GHR: variants seen among roughly 807,000 people sequenced by gnomAD.
GHR encodes growth hormone receptor.
GHR carries 35 observed loss-of-function variants against 67.1 expected under a neutral mutation model. The ratio of observed to expected loss-of-function variants is 0.52; its 90% CI spans 0.40 to 0.69. GHR has a LOEUF of 0.69. Among genes scored for constraint, GHR ranks in the 30% least tolerant of loss-of-function variants. The pLI is 0.00. For missense variants in GHR, 792 were observed against 764.6 expected (o/e 1.04, Z -0.42); for synonymous variants, 272 against 269.1 (o/e 1.01, Z -0.10).
At chr5:42,544,339 C>T (rs937745450) in intron 1 of GHR, among the ~76,000 whole-genome samples, 7 of 152,102 alleles carry the variant, frequency 4.6e-5, no homozygotes, top group Non-Finnish European at 1.0e-4. Flanking sequence ...TCATTTTTAT[C>T]CATTAAATTA....
At chr5:42,478,937 G>A (rs1212797648) in intron 1 of GHR, among the ~76,000 whole-genome samples, 1 of 152,170 alleles carries the variant, frequency 6.6e-6, no homozygotes, top group Non-Finnish European at 1.5e-5. Flanking sequence ...TAGGAGTGGT[G>A]AGAAAGGGCA....
chr5:42,503,868 G>A (rs1209111955), intron 1 of GHR, among the ~76,000 whole-genome samples: 1 of 152,082 alleles, frequency 6.6e-6, no homozygotes, highest in African/African-American at 2.4e-5. Flanking sequence ...GTCAGAGGCT[G>A]TTATAAAAGT....
intron 1 of GHR, among the ~76,000 whole-genome samples, chr5:42,520,398 T>C (rs1313487749): frequency 6.6e-6 from 1 of 152,180 alleles, no homozygotes; most frequent in Admixed American, 6.5e-5. Context: ...AGCTTTATGG[T>C]CAGAGATCTC....
At position 42,440,404 on chromosome 5, in the gene GHR, G is replaced by C. The variant is rs560090612; in HGVS notation, c.-12+16449G>C. Among the ~76,000 whole-genome samples the C allele has an allele frequency of 1.9e-4, 29 of 152,188 alleles. No individual in the cohort carries two copies. In the South Asian group the frequency reaches 4.8e-3, roughly 25 times the overall value. On this transcript the variant is annotated intron_variant, in intron 1 of 9. Transcript: ENST00000230882. The stretch of plus-strand genomic sequence containing the variant: ...GAGCATAATGGGTAGAGAAAAAATA[G>C]GATCCAGGAAGATACTTAGTACTTC...
At chr5:42,671,815 G>A (rs1270242701) in intron 3 of GHR, among the ~76,000 whole-genome samples, 5 of 151,818 alleles carry the variant, frequency 3.3e-5, no homozygotes, top group South Asian at 2.1e-4. Flanking sequence ...AATTAGCCGG[G>A]CGTAGGGGCG....
intron 2 of GHR, among the ~76,000 whole-genome samples, chr5:42,601,236 T>G (rs1364721476): frequency 2.0e-5 from 3 of 152,302 alleles, no homozygotes; most frequent in African/African-American, 7.2e-5. Context: ...TATTGTAACC[T>G]CAGAAAAGAA....
At chr5:42,677,999 G>A (rs531921554) in intron 3 of GHR, among the ~76,000 whole-genome samples, 2 of 152,276 alleles carry the variant, frequency 1.3e-5, no homozygotes, top group South Asian at 4.1e-4. Context: ...TGATTGTGAG[G>A]ATGGAAATAA....
At chr5:42,684,862 A>T (rs1005314606) in intron 3 of GHR, among the ~76,000 whole-genome samples, 1 of 152,140 alleles carries the variant, frequency 6.6e-6, no homozygotes, top group Non-Finnish European at 1.5e-5. Flanking sequence ...CTGAAGATTC[A>T]CTTGTTTGTA....
At chr5:42,586,081 A>G (rs1263498518) in intron 2 of GHR, among the ~76,000 whole-genome samples, 1 of 152,208 alleles carries the variant, frequency 6.6e-6, no homozygotes, top group African/African-American at 2.4e-5. Context: ...ATGGCACACA[A>G]ATGTTTAATA....
intron 1 of GHR, among the ~76,000 whole-genome samples, chr5:42,432,792 A>G (rs905268622): frequency 2.0e-5 from 3 of 152,214 alleles, no homozygotes; most frequent in African/African-American, 7.2e-5. Context: ...AAGAACTACT[A>G]CTTTCATAGT....
At chr5:42,536,305 A>G (rs1579894597) in intron 1 of GHR, among the ~76,000 whole-genome samples, 1 of 152,164 alleles carries the variant, frequency 6.6e-6, no homozygotes, top group Admixed American at 6.6e-5. Context: ...TGGGTTTGTC[A>G]TAAATGGCTT....
In GHR at chr5:42,603,203, G is replaced by A. The variant is rs61011249; in HGVS notation, c.71-25835G>A. ...ATTCAACTCCCTTCAGGCCTGCAAG[G>A]TTTCTGCAGAAAAATCGTCTGATAA... On this transcript the variant is annotated intron_variant, in intron 2 of 9. Coordinates refer to ENST00000230882, the MANE Select transcript of GHR (RefSeq NM_000163.5). Among the ~76,000 whole-genome samples, 633 of 152,038 alleles carry A rather than the reference G, an allele frequency of 4.2e-3. 1 individual carries two copies. The highest frequency in any genetic ancestry group is 0.014 in the African/African-American group (594 of 41,492).
chr5:42,583,390 G>A (rs1751295011), intron 2 of GHR, among the ~76,000 whole-genome samples: 1 of 152,140 alleles, frequency 6.6e-6, no homozygotes. Flanking sequence ...GTTCCACCTT[G>A]ACAATTGCTA....
intron 1 of GHR, among the ~76,000 whole-genome samples, chr5:42,533,833 C>T (rs2112349172): frequency 6.6e-6 from 1 of 151,734 alleles, no homozygotes; most frequent in African/African-American, 2.4e-5. Context: ...ATCCCCCTCC[C>T]ACCCTTCCCC....
At chr5:42,426,914 A>T (rs1274965470) in intron 1 of GHR, among the ~76,000 whole-genome samples, 2 of 152,232 alleles carry the variant, frequency 1.3e-5, no homozygotes, top group African/African-American at 2.4e-5. Flanking sequence ...GGAAATAATC[A>T]GTTGGAAATC....
intron 2 of GHR, among the ~76,000 whole-genome samples, chr5:42,602,144 C>A (rs2112637046): frequency 6.6e-6 from 1 of 152,224 alleles, no homozygotes; most frequent in Admixed American, 6.5e-5. Context: ...TCATCTCCTA[C>A]ATAGTTATCT....
intron 3 of GHR, among the ~76,000 whole-genome samples, chr5:42,675,487 CT>C (rs1333368569): frequency 6.6e-6 from 1 of 152,132 alleles, no homozygotes; most frequent in East Asian, 1.9e-4. Context: ...TGTATGATCA[CT>C]CTTTCTAAGA....
chr5:42,439,610 G>A (rs965508600), intron 1 of GHR, among the ~76,000 whole-genome samples: 3 of 152,212 alleles, frequency 2.0e-5, no homozygotes, highest in African/African-American at 7.2e-5. Context: ...GACACTGGAA[G>A]GTAGAAGGAG....
intron 3 of GHR, among the ~76,000 whole-genome samples, chr5:42,667,349 T>G (rs1756040846): frequency 6.6e-6 from 1 of 152,194 alleles, no homozygotes; most frequent in Admixed American, 6.5e-5. Context: ...TGTATTCTGC[T>G]TCACCTCACT....
Sources: allele counts gnomAD v4.1 joint callset (sites outside exome capture counted in the v4.1 genomes callset), GRCh38; gene constraint gnomAD v4.1.1; transcripts MANE v1.5; gene names NCBI Gene and HGNC (gene_info 2026-07-23, HGNC 2026-07-21).